PPFIBP2: variants seen among roughly 807,000 people sequenced by gnomAD.
PPFIBP2 encodes liprin-beta-2.
PPFIBP2 carries 118 observed loss-of-function variants against 118.3 expected under a neutral mutation model. That is an observed-to-expected ratio of 1.00 (90% confidence interval 0.86 to 1.16). The LOEUF (loss-of-function observed/expected upper bound fraction) is 1.16, where lower values mean the gene tolerates loss of function less well. PPFIBP2 is among the 50% of genes most tolerant of loss of function. PPFIBP2 has a pLI of 0.00. For synonymous variants in PPFIBP2, 414 were observed against 397.4 expected (o/e 1.04, Z -0.50); for missense variants, 1,195 against 1,073.1 (o/e 1.11, Z -1.59).
At chr11:7,537,293 C>T (rs1324061234) in intron 1 of PPFIBP2, among the ~76,000 whole-genome samples, 2 of 152,172 alleles carry the variant, frequency 1.3e-5, no homozygotes, top group South Asian at 2.1e-4. Flanking sequence ...CCTCACAGGA[C>T]CCCCTTGAAG....
chr11:7,615,060 G>T (rs1441028457), intron 6 of PPFIBP2, among the ~76,000 whole-genome samples: 2 of 152,200 alleles, frequency 1.3e-5, no homozygotes, highest in African/African-American at 4.8e-5. Flanking sequence ...GCTAGGCCAG[G>T]TGTGGTGGCT....
At chr11:7,652,801 G>T (rs536800859) in intron 23 of PPFIBP2, among the ~76,000 whole-genome samples, 6 of 152,234 alleles carry the variant, frequency 3.9e-5, no homozygotes, top group African/African-American at 1.2e-4. Flanking sequence ...TTCAGGCATA[G>T]TATTGGAGGG....
chr11:7,654,203 GT>G (rs1325321791), downstream of PPFIBP2, among the ~76,000 whole-genome samples: 1 of 152,238 alleles, frequency 6.6e-6, no homozygotes, highest in Non-Finnish European at 1.5e-5. Context: ...GGGCTGGTCT[GT>G]CTGCTGGCAG....
intron 22 of PPFIBP2, 48 bp from the exon 23 acceptor site, chr11:7,651,608 G>A: frequency 6.5e-7 from 1 of 1,534,898 alleles, no homozygotes; most frequent in Non-Finnish European, 8.9e-7. Context: ...TCCCCCTCGA[G>A]CCATTTGTAT....
chr11:7,596,870 C>A (rs1414979929), intron 4 of PPFIBP2, among the ~76,000 whole-genome samples: 1 of 152,174 alleles, frequency 6.6e-6, no homozygotes, highest in African/African-American at 2.4e-5. Flanking sequence ...TGAATGACTT[C>A]CTGTAAATGA....
intron 3 of PPFIBP2, among the ~76,000 whole-genome samples, chr11:7,571,182 C>A (rs764106377): frequency 6.6e-6 from 1 of 152,174 alleles, no homozygotes; most frequent in Non-Finnish European, 1.5e-5. Flanking sequence ...GCAGTCAGTT[C>A]AGGTGCCCTC....
intron 1 of PPFIBP2, among the ~76,000 whole-genome samples, chr11:7,541,336 A>G (rs1193284962): frequency 6.6e-6 from 1 of 152,028 alleles, no homozygotes; most frequent in Non-Finnish European, 1.5e-5. Flanking sequence ...ACCGGTTAGG[A>G]GGCTATTGTA....
chr11:7,558,311 C>T lies in PPFIBP2; in HGVS notation c.65-7242C>T, dbSNP rs534801922. The stretch of plus-strand genomic sequence containing the variant: ...TCTCCCACAGTGATACACATGGTTT[C>T]TGTTTATTGGCCAAAGGAAGTTATG... On this transcript the variant is annotated intron_variant, in intron 2 of 23. Transcript: ENST00000299492. Among the ~76,000 whole-genome samples the T allele has an allele frequency of 1.4e-3, 206 of 152,312 alleles. 1 individual carries two copies. Among genetic ancestry groups the T allele is most frequent in the African/African-American group, 4.4e-3 (181 of 41,562 alleles).
rs1026629545 is a variant in PPFIBP2 at position 7,649,778 on chromosome 11, T to C, written c.2121+124T>C. On this transcript the variant is annotated intron_variant, in intron 21 of 23. Coordinates refer to ENST00000299492, the MANE Select transcript of PPFIBP2 (RefSeq NM_003621.5). ...TTTGCACCATGGTGCCTGGGATTCT[T>C]TTGTTTGCTTGTGCTTCCTGTTGCC... 8.5e-6 allele frequency: 12 copies of C among 1,409,482 alleles called. No homozygotes were observed. The African/African-American group carries it at 1.7e-4, about 20-fold the overall frequency. 87.3% of individuals were successfully genotyped at this position (1,409,482 alleles called of 1,614,324 possible).
Position 7,565,444 on chromosome 11 carries a change from G to A in PPFIBP2, c.65-109G>A, listed in dbSNP as rs1038646814. 4 of 1,158,974 alleles carry A rather than the reference G, an allele frequency of 3.5e-6. No homozygotes were observed. The African/African-American group carries it at 6.1e-5, about 18-fold the overall frequency. The allele number at this position is 1,158,974 out of a possible 1,614,324, so 71.8% of individuals were successfully genotyped here. A position where few individuals can be genotyped will look rare whatever the true frequency, so the allele number is the denominator to read the frequency against. Reference sequence around the variant, plus strand: ...CACCGCCATGCCCAGCTCACCCCCAGCTTCTTATCTGTCCCTTTCACCGTT... The same window carrying A: ...CACCGCCATGCCCAGCTCACCCCCAACTTCTTATCTGTCCCTTTCACCGTT... On this transcript the variant is annotated intron_variant, in intron 2 of 23. Coordinates refer to ENST00000299492, the MANE Select transcript of PPFIBP2 (RefSeq NM_003621.5).
At chr11:7,562,379 A>C (rs1854398061) in intron 2 of PPFIBP2, among the ~76,000 whole-genome samples, 1 of 152,210 alleles carries the variant, frequency 6.6e-6, no homozygotes, top group African/African-American at 2.4e-5. Flanking sequence ...GAGTGTCCTT[A>C]TAACATGGCA....
chr11:7,548,473 A>G (rs1852574922), intron 1 of PPFIBP2: 1 of 151,916 alleles, frequency 6.6e-6, no homozygotes, highest in Non-Finnish European at 1.5e-5. Flanking sequence ...CTGAATGAGC[A>G]AACAGCAACT....
chr11:7,634,507 G>C lies in PPFIBP2; in HGVS notation c.1149G>C (p.Lys383Asn), dbSNP rs371544034. The C allele has an allele frequency of 3.7e-6, 6 of 1,612,464 alleles. No homozygotes were observed. In the African/African-American group the frequency reaches 8.0e-5, roughly 22 times the overall value. ...GTGTTTTTTTCAGGGCTCAGAAAAA[G>C]CTCTCTTGTAGTCTAGAAGACTTGA... ...QKSLETRAQKKLSCSLEDLRS... is the reference protein window; with the variant it reads ...QKSLETRAQKNLSCSLEDLRS... The change falls in exon 13 of 24, where the codon AAG becomes AAC. Residue 383 changes from lysine (K) to asparagine (N), a missense_variant. Lys to Asn is a moderately conservative substitution (Grantham distance 94, BLOSUM62 0). Transcript: ENST00000299492.
the PPFIBP2 span, among the ~76,000 whole-genome samples, chr11:7,662,303 G>T: frequency 6.6e-6 from 1 of 152,180 alleles, no homozygotes; most frequent in East Asian, 1.9e-4. Context: ...TCCTTTCCAT[G>T]TTTAGCACTT....
At chr11:7,635,470 G>T (rs1339698881) in intron 13 of PPFIBP2, 82 bp from the exon 14 acceptor site, 30 of 1,340,166 alleles carry the variant, frequency 2.2e-5, no homozygotes, top group Admixed American at 3.4e-5. Context: ...TAAGCAAACA[G>T]GTAGTCCTGA....
At position 7,641,472 on chromosome 11, in the gene PPFIBP2, A is replaced by G. The variant is rs369792492; in HGVS notation, c.1376-7A>G. The G allele has an allele frequency of 1.9e-6, 3 of 1,613,802 alleles. No individual in the cohort carries two copies. In the African/African-American group the frequency reaches 4.0e-5, roughly 22 times the overall value. ...CATTCACATTCATTGCCTTCTTCCA[A>G]TCTCAGGAGACACAGAAAGTGGCTG... is the stretch of plus-strand genomic sequence containing the variant. On this transcript the variant is annotated splice_polypyrimidine_tract_variant and splice_region_variant and intron_variant, in intron 15 of 23. Coordinates refer to ENST00000299492, the MANE Select transcript of PPFIBP2 (RefSeq NM_003621.5).
At chr11:7,556,132 G>A (rs1359276436) in intron 2 of PPFIBP2, among the ~76,000 whole-genome samples, 1 of 152,196 alleles carries the variant, frequency 6.6e-6, no homozygotes, top group Non-Finnish European at 1.5e-5. Flanking sequence ...TGTGTTCTGT[G>A]TGGAAAAAAA....
At chr11:7,659,048 T>C (rs1328451918), downstream of PPFIBP2, among the ~76,000 whole-genome samples, 8 of 140,788 alleles carry the variant, frequency 5.7e-5, no homozygotes, top group South Asian at 2.3e-4. Flanking sequence ...TATTAGCCCT[T>C]TGTCAGATGA....
the PPFIBP2 span, chr11:7,665,169 C>A: frequency 2.2e-6 from 1 of 463,534 alleles, no homozygotes; most frequent in Non-Finnish European, 3.8e-6. Context: ...CTCTTTCCAG[C>A]CTCCAAGCAA....
Sources: allele counts gnomAD v4.1 joint callset (sites outside exome capture counted in the v4.1 genomes callset), GRCh38; gene constraint gnomAD v4.1.1; transcripts MANE v1.5; gene names NCBI Gene and HGNC (gene_info 2026-07-23, HGNC 2026-07-21).